EPG5: variants seen among roughly 807,000 people sequenced by gnomAD.
The protein encoded by EPG5 is ectopic P granules protein 5 homolog.
A neutral mutation model predicts 302.7 loss-of-function variants in EPG5; 159 were observed. The observed-to-expected ratio is 0.53, with a 90% CI of 0.46 to 0.60. The LOEUF (loss-of-function observed/expected upper bound fraction) is 0.60, where lower values mean the gene tolerates loss of function less well. Among genes scored for constraint, EPG5 ranks in the 20% least tolerant of loss-of-function variants. The pLI, the probability that EPG5 is intolerant of heterozygous loss-of-function variation, is 0.00. For missense variants in EPG5, 2,896 were observed against 3,092.4 expected (o/e 0.94, Z 1.51); for synonymous variants, 1,158 against 1,136.8 (o/e 1.02, Z -0.37).
chr18:45,956,634 C>T (rs1030255502), intron 1 of EPG5, among the ~76,000 whole-genome samples: 7 of 151,862 alleles, frequency 4.6e-5, no homozygotes, highest in African/African-American at 1.7e-4. Context: ...TTAGTAGAGA[C>T]GGGGTTTCAC....
the EPG5 span, among the ~76,000 whole-genome samples, chr18:45,813,474 T>C: frequency 6.6e-6 from 1 of 152,208 alleles, no homozygotes; most frequent in African/African-American, 2.4e-5. Flanking sequence ...CACGTATGTT[T>C]ATTGCAGCAC....
chr18:45,941,618 A>G (rs2050669940), intron 9 of EPG5, among the ~76,000 whole-genome samples: 1 of 152,244 alleles, frequency 6.6e-6, no homozygotes, highest in Admixed American at 6.5e-5. Context: ...AATAATGTAA[A>G]CAGTGATCTT....
At chr18:45,900,963 G>T in intron 26 of EPG5, 33 bp downstream of exon 26, 1 of 1,579,326 alleles carries the variant, frequency 6.3e-7, no homozygotes, top group South Asian at 1.2e-5. Flanking sequence ...CCACCAACAT[G>T]GGAACATGAT....
chr18:45,857,647 T>A (rs1179962222), intron 42 of EPG5: 4 of 532,024 alleles, frequency 7.5e-6, no homozygotes, highest in Non-Finnish European at 6.6e-6. Context: ...AAATTTTTTT[T>A]AAAGGTAAGA....
intron 39 of EPG5, among the ~76,000 whole-genome samples, chr18:45,863,294 T>C (rs1214343898): frequency 1.3e-5 from 2 of 152,212 alleles, no homozygotes; most frequent in Admixed American, 1.3e-4. Context: ...CCAATACATT[T>C]GAATTTTATC....
In EPG5 at chr18:45,850,587, A is replaced by T. The variant is rs930526199; in HGVS notation, c.*1880T>A. ...AGGCATAAAAACCTACAGCAACTTT[A>T]ACAGCTGAAACACTTTACAAGATAG... On this transcript the variant is annotated 3_prime_UTR_variant, in exon 44 of 44. Transcript: ENST00000282041. 1 of 152,480 alleles carries T rather than the reference A, an allele frequency of 6.6e-6. No individual in the cohort carries two copies. Among genetic ancestry groups the T allele is most frequent in the East Asian group, 1.9e-4 (1 of 5,192 alleles). The allele number at this position is 152,480 out of a possible 1,614,324, so 9.4% of individuals were successfully genotyped here.
At chr18:45,925,678 C>T (rs1261521800) in intron 14 of EPG5, 60 bp downstream of exon 14, 2 of 1,309,902 alleles carry the variant, frequency 1.5e-6, no homozygotes, top group African/African-American at 3.0e-5. Flanking sequence ...TGACAAAATC[C>T]TTCTTTGAAA....
At chr18:45,861,212 G>A (rs979590100) in intron 39 of EPG5, among the ~76,000 whole-genome samples, 4 of 152,118 alleles carry the variant, frequency 2.6e-5, no homozygotes, top group African/African-American at 9.7e-5. Context: ...CTTTCTGTAC[G>A]ACCTACTTAC....
At position 45,923,325 on chromosome 18, in the gene EPG5, A is replaced by C; in HGVS notation, c.2781T>G (p.Tyr927Ter). 1 of 1,614,058 alleles carries C rather than the reference A, an allele frequency of 6.2e-7. No homozygotes were observed. The highest frequency in any genetic ancestry group is 8.5e-7 in the Non-Finnish European group (1 of 1,179,980). Residue 927 changes from tyrosine (Y) to a stop codon, truncating the protein, a stop_gained, in exon 15 of 44, where the codon TAT (tyrosine) becomes TAG (stop). Coordinates refer to ENST00000282041, the MANE Select transcript of EPG5 (RefSeq NM_020964.3). LOFTEE classifies it high-confidence loss of function. ...ATGGCTTCTGTGCAAGGTACTTCTG[A>C]TAAGCTTCAAGAACCATTAAAGCCA... is the stretch of plus-strand genomic sequence containing the variant. ...AEVALMVLEA[Y>*]QKYLAQKPYA...
Position 45,887,907 on chromosome 18 carries a change from C to A in EPG5, c.4953G>T (p.Thr1651=). 3 of 1,548,644 alleles carry A rather than the reference C, an allele frequency of 1.9e-6. No individual in the cohort carries two copies. The highest frequency in any genetic ancestry group is 2.6e-6 in the Non-Finnish European group (3 of 1,134,356). The part of the protein sequence containing the change: ...EAAVHAENLI[T]ALVNAYKLQP... The stretch of plus-strand genomic sequence containing the variant: ...GCAACTTGTAGGCATTCACTAAGGC[C>A]CTGTGGGAAAATGTGGGTAAGACTG... Residue 1651 remains threonine, a splice_region_variant and synonymous_variant, in exon 29 of 44, where the codon ACG becomes ACT. Coordinates refer to ENST00000282041, the MANE Select transcript of EPG5 (RefSeq NM_020964.3).
chr18:45,911,247 C>T (rs1299795675), intron 22 of EPG5, among the ~76,000 whole-genome samples: 1 of 151,520 alleles, frequency 6.6e-6, no homozygotes, highest in African/African-American at 2.4e-5. Flanking sequence ...CCTCAGCCTC[C>T]CAAGTAGCTG....
At chr18:45,902,966 C>T (rs572683558) in intron 25 of EPG5, among the ~76,000 whole-genome samples, 4 of 152,122 alleles carry the variant, frequency 2.6e-5, no homozygotes, top group Non-Finnish European at 4.4e-5. Flanking sequence ...AGACAGTGCT[C>T]GGAACAAACG....
At chr18:45,952,029 A>G (rs749973886) in intron 3 of EPG5, among the ~76,000 whole-genome samples, 7 of 152,232 alleles carry the variant, frequency 4.6e-5, no homozygotes, top group Non-Finnish European at 1.0e-4. Flanking sequence ...AAGCAGCCCA[A>G]ACAAACCACA....
intron 42 of EPG5, among the ~76,000 whole-genome samples, chr18:45,856,684 T>C (rs907522063): frequency 1.3e-5 from 2 of 152,170 alleles, no homozygotes; most frequent in Non-Finnish European, 2.9e-5. Flanking sequence ...TTGGAATGAG[T>C]GAGTCCCAAA....
intron 43 of EPG5, among the ~76,000 whole-genome samples, chr18:45,855,056 C>A (rs554799550): frequency 6.6e-6 from 1 of 151,694 alleles, no homozygotes; most frequent in Non-Finnish European, 1.5e-5. Context: ...AGGAATGTGG[C>A]CTTCCATGTT....
rs201777260 is a variant in EPG5, at chr18:45,901,046, G to A, written c.4596C>T (p.Asp1532=). 2.4e-5 allele frequency: 38 copies of A among 1,614,148 alleles called. No individual in the cohort carries two copies. The highest frequency in any genetic ancestry group is 5.5e-5 in the South Asian group (5 of 91,082). Residue 1532 remains aspartate (D), a synonymous_variant, in exon 26 of 44, where the codon GAC becomes GAT. Transcript: ENST00000282041. ...ISSAVLLSQK[D]ATQLVCTDLN... ...GGTCTGTGCACACCAGCTGGGTGGCGTCCTTCTGACTCAATAGCACAGCAG... is the reference window on the plus strand; with the variant it reads ...GGTCTGTGCACACCAGCTGGGTGGCATCCTTCTGACTCAATAGCACAGCAG...
At position 45,862,319 on chromosome 18, in the gene EPG5, T is replaced by C. The variant is rs7228855; in HGVS notation, c.6767-1973A>G. The stretch of plus-strand genomic sequence containing the variant: ...CCCCTCTACTGTCTTTGACTGTAAT[T>C]TTGCCGTCTTTTTAAATAACTGTTT... On this transcript the variant is annotated intron_variant, in intron 39 of 43. Coordinates refer to ENST00000282041, the MANE Select transcript of EPG5 (RefSeq NM_020964.3). 6.8e-3 allele frequency among the ~76,000 whole-genome samples: 1,031 copies of C among 152,324 alleles called. 6 individuals are homozygous for C. The highest frequency in any genetic ancestry group is 0.023 in the African/African-American group (960 of 41,562).
intron 16 of EPG5, among the ~76,000 whole-genome samples, chr18:45,919,551 C>T (rs573678981): frequency 5.2e-4 from 77 of 147,298 alleles, no homozygotes; most frequent in African/African-American, 1.9e-3. Context: ...CTCGCTCTGT[C>T]GCCCAGGCTG....
chr18:45,808,028 T>C, the EPG5 span, among the ~76,000 whole-genome samples: 1 of 151,638 alleles, frequency 6.6e-6, no homozygotes, highest in Non-Finnish European at 1.5e-5. Flanking sequence ...ATAACAAAAA[T>C]AAAAAACAAT....
Sources: allele counts gnomAD v4.1 joint callset (sites outside exome capture counted in the v4.1 genomes callset), GRCh38; gene constraint gnomAD v4.1.1; transcripts MANE v1.5; gene names NCBI Gene and HGNC (gene_info 2026-07-23, HGNC 2026-07-21).